SPTAN1: variants seen among roughly 807,000 people sequenced by gnomAD.
SPTAN1 encodes spectrin alpha, non-erythrocytic 1.
SPTAN1 carries 61 observed loss-of-function variants against 331.3 expected under a neutral mutation model. The observed-to-expected ratio is 0.18, with a 90% CI of 0.15 to 0.23. The LOEUF (loss-of-function observed/expected upper bound fraction) is 0.23. Ranked by LOEUF, SPTAN1 falls within the 10% of genes least tolerant of loss-of-function variation. SPTAN1 has a pLI of 1.00. For synonymous variants in SPTAN1, 1,153 were observed against 1,173.9 expected (o/e 0.98, Z 0.36); for missense variants, 2,043 against 3,147.9 (o/e 0.65, Z 8.40).
At position 128,624,413 on chromosome 9, in the gene SPTAN1, G is replaced by C. The variant is rs1319330428; in HGVS notation, c.5918G>C (p.Arg1973Thr). 1.2e-6 allele frequency: 2 copies of C among 1,614,082 alleles called. No homozygotes were observed. Among genetic ancestry groups the C allele is most frequent in the Admixed American group, 1.7e-5 (1 of 60,032 alleles). Residue 1973 changes from arginine (R) to threonine (T), a missense_variant, in exon 46 of 57, where the codon AGA becomes ACA. Transcript: ENST00000372739. Reference sequence around the variant, plus strand: ...GACCTGGAGAAAGCTGCAGCCCAGAGAAAGGCGAAGCTGGATGAGAACTCG... The same window carrying C: ...GACCTGGAGAAAGCTGCAGCCCAGACAAAGGCGAAGCTGGATGAGAACTCG... ...VSDLEKAAAQ[R>T]KAKLDENSAF...
At chr9:128,581,624 A>G (rs999054320) in intron 11 of SPTAN1, among the ~76,000 whole-genome samples, 158 bp from the exon 12 acceptor site, 3 of 152,258 alleles carry the variant, frequency 2.0e-5, no homozygotes. Flanking sequence ...AGAAAATCCA[A>G]AAGGACTTTA....
intron 37 of SPTAN1, among the ~76,000 whole-genome samples, chr9:128,610,599 T>C (rs1385622368): frequency 5.3e-5 from 8 of 152,080 alleles, no homozygotes; most frequent in Non-Finnish European, 1.0e-4. Context: ...CCTGAGACCC[T>C]GCATTTCTTA....
chr9:128,630,534 CTCT>C, intron 52 of SPTAN1, 159 bp downstream of exon 52: 2 of 667,708 alleles, frequency 3.0e-6, no homozygotes, highest in East Asian at 2.8e-5. Flanking sequence ...CTATCTCTCT[CTCT>C]TTTCTTTCTT....
In SPTAN1 at chr9:128,605,425, A is replaced by G. The variant is rs748472114; in HGVS notation, c.3994A>G (p.Lys1332Glu). ...CCTGGGGAAACGTGCAGATCAGCGC[A>G]AGGCAAAGTTGGGTGACTCCCACGA... ...SSLGKRADQR[K>E]AKLGDSHDLQ... The change falls in exon 31 of 57, where the codon AAG becomes GAG. Residue 1332 changes from lysine (K) to glutamate (E), a missense_variant. Coordinates refer to ENST00000372739, the MANE Select transcript of SPTAN1 (RefSeq NM_001130438.3). 5.0e-6 allele frequency: 8 copies of G among 1,614,098 alleles called. No homozygotes were observed.
rs566708764 is a variant in SPTAN1 at position 128,599,961 on chromosome 9, T to C, written c.3544-119T>C. On this transcript the variant is annotated intron_variant, in intron 26 of 56. Coordinates refer to ENST00000372739, the MANE Select transcript of SPTAN1 (RefSeq NM_001130438.3). ...CTATGGAGGGAAAATGCTGTTTTGG[T>C]TAATGTATTAGTATCTGGGATCTCC... The C allele has an allele frequency of 4.5e-5, 46 of 1,029,160 alleles. No homozygotes were observed. In the South Asian group the frequency reaches 5.4e-4, roughly 12 times the overall value. The allele number at this position is 1,029,160 out of a possible 1,614,324, so 63.8% of individuals were successfully genotyped here.
At chr9:128,618,447 C>CG (rs1857444973) in intron 43 of SPTAN1, among the ~76,000 whole-genome samples, 1 of 151,768 alleles carries the variant, frequency 6.6e-6, no homozygotes, top group South Asian at 2.1e-4. Flanking sequence ...GTTCCATGGA[C>CG]GGCCTGACTG....
In SPTAN1 at chr9:128,626,781, C is replaced by CAA. The variant is rs10694437; in HGVS notation, c.6576+94_6576+95insAA. 1 allele frequency: 1,329,917 copies of CAA among 1,331,874 alleles called. 664,006 individuals carry two copies. The highest frequency in any genetic ancestry group is 1 in the Non-Finnish European group (961,484 of 961,512). The allele number at this position is 1,331,874 out of a possible 1,614,324, so 82.5% of individuals were successfully genotyped here. ...CACACTTAACTGAGTCACGACAAGACGAGCAGGATGGAGGAGCATGGTTTC... is the reference window on the plus strand; with the variant it reads ...CACACTTAACTGAGTCACGACAAGACAAGAGCAGGATGGAGGAGCATGGTTTC... On this transcript the variant is annotated intron_variant, in intron 49 of 56. Coordinates refer to ENST00000372739, the MANE Select transcript of SPTAN1 (RefSeq NM_001130438.3).
At chr9:128,624,248 T>C (rs1359157276) in intron 45 of SPTAN1, 80 bp from the exon 46 acceptor site, 1 of 1,580,250 alleles carries the variant, frequency 6.3e-7, no homozygotes, top group Admixed American at 1.7e-5. Context: ...TATAGAAGTT[T>C]AGAGCCTTTC....
intron 24 of SPTAN1, among the ~76,000 whole-genome samples, chr9:128,595,089 C>T (rs1472393215): frequency 1.3e-5 from 2 of 151,174 alleles, no homozygotes; most frequent in Admixed American, 6.6e-5. Flanking sequence ...GGATAACAGG[C>T]GTAAGCCACC....
In SPTAN1 at chr9:128,625,972, C is replaced by A; in HGVS notation, c.6273C>A (p.Phe2091Leu). 6.2e-7 allele frequency: 1 copy of A among 1,614,056 alleles called. No individual in the cohort carries two copies. The highest frequency in any genetic ancestry group is 8.5e-7 in the Non-Finnish European group (1 of 1,179,958). Residue 2091 changes from phenylalanine to leucine, a missense_variant, in exon 48 of 57, where the codon TTC becomes TTA. Transcript: ENST00000372739. This position sits in a 1 kb window ranked among gnomAD's most constrained non-coding sequence, Gnocchi z 4.1. ...AGCTTCTGGAGGCTCAGAGTCACTT[C>A]CGCAAGGTGAGGATGGGGCCACGTG... is the stretch of plus-strand genomic sequence containing the variant. ...KKKLLEAQSH[F>L]RKVEDLFLTF...
intron 31 of SPTAN1, among the ~76,000 whole-genome samples, chr9:128,607,206 A>G (rs529458809): frequency 6.6e-6 from 1 of 151,438 alleles, no homozygotes; most frequent in African/African-American, 2.4e-5. Context: ...GTTGCACCAC[A>G]TTGCCCAAAC....
At chr9:128,617,560 G>A (rs1016112425) in intron 41 of SPTAN1, 80 bp from the exon 42 acceptor site, 105 of 1,602,752 alleles carry the variant, frequency 6.6e-5, no homozygotes, top group Non-Finnish European at 8.5e-5. Flanking sequence ...TGTCTGTGAG[G>A]TCCACAGTTG....
At chr9:128,581,481 A>C (rs1195809538) in intron 11 of SPTAN1, among the ~76,000 whole-genome samples, 3 of 151,298 alleles carry the variant, frequency 2.0e-5, no homozygotes, top group African/African-American at 7.3e-5. Flanking sequence ...TCACAAAAAA[A>C]AAAAAAACAA....
At chr9:128,585,609 A>G (rs777467378) in intron 18 of SPTAN1, 139 bp from the exon 19 acceptor site, 1 of 771,230 alleles carries the variant, frequency 1.3e-6, no homozygotes, top group Non-Finnish European at 2.2e-6. Flanking sequence ...CCTCTCAAAA[A>G]AAATGGAATT....
At chr9:128,622,309 T>C (rs1857982588) in intron 45 of SPTAN1, among the ~76,000 whole-genome samples, 1 of 148,530 alleles carries the variant, frequency 6.7e-6, no homozygotes, top group Non-Finnish European at 1.5e-5. Context: ...TTTTTTTTTT[T>C]TTTTTTTGCG....
At position 128,585,876 on chromosome 9, in the gene SPTAN1, G is replaced by T; in HGVS notation, c.2689G>T (p.Ala897Ser). 2 of 1,614,078 alleles carry T rather than the reference G, an allele frequency of 1.2e-6. No homozygotes were observed. Among genetic ancestry groups the T allele is most frequent in the Non-Finnish European group, 1.7e-6 (2 of 1,180,022 alleles). Residue 897 changes from alanine to serine, a missense_variant, in exon 19 of 57, where the codon GCT becomes TCT. Ala to Ser is a moderately conservative substitution (Grantham distance 99). Coordinates refer to ENST00000372739, the MANE Select transcript of SPTAN1 (RefSeq NM_001130438.3). The part of the protein sequence containing the change: ...EDSLQAQQYF[A>S]DANEAESWMR... ...CTCTCTGCAGGCCCAGCAGTACTTTGCTGATGCTAACGAGGCTGAATCCTG... is the reference window on the plus strand; with the variant it reads ...CTCTCTGCAGGCCCAGCAGTACTTTTCTGATGCTAACGAGGCTGAATCCTG...
intron 18 of SPTAN1, 115 bp downstream of exon 18, chr9:128,584,958 C>T: frequency 8.1e-7 from 1 of 1,233,896 alleles, no homozygotes; most frequent in Non-Finnish European, 1.2e-6. Context: ...AATACCATCC[C>T]CATTCTTTCC....
intron 56 of SPTAN1, 114 bp downstream of exon 56, chr9:128,633,069 A>AAATC: frequency 1.9e-6 from 3 of 1,593,288 alleles, no homozygotes; most frequent in Admixed American, 3.4e-5. Flanking sequence ...CCCCATTTAC[A>AAATC]AATCAAACTC....
At chr9:128,567,124 T>G in intron 2 of SPTAN1, 147 bp downstream of exon 2, 1 of 1,193,546 alleles carries the variant, frequency 8.4e-7, no homozygotes, top group Admixed American at 2.0e-5. Context: ...ATTGTTTTCC[T>G]GTATTAGTGA....
Sources: gnomAD v4.1 joint callset for allele counts (sites outside exome capture counted in the v4.1 genomes callset) on GRCh38, gnomAD v4.1.1 for gene constraint, Gnocchi (gnomAD v3.1) non-coding constraint, MANE v1.5 for transcripts, NCBI Gene and HGNC (gene_info 2026-07-23, HGNC 2026-07-21) for gene names.